KLF8: variants seen among roughly 807,000 people sequenced by gnomAD.
KLF8 encodes KLF transcription factor 8, also known as Krueppel-like factor 8.
KLF8 carries 10 observed loss-of-function variants against 18.2 expected under a neutral mutation model. The ratio of observed to expected loss-of-function variants is 0.55; its 90% CI spans 0.34 to 0.93. The LOEUF (loss-of-function observed/expected upper bound fraction) is 0.93, where lower values mean the gene tolerates loss of function less well. Among genes scored for constraint, KLF8 ranks in the 40% least tolerant of loss-of-function variants. The pLI is 0.02. For synonymous variants in KLF8, 109 were observed against 97.3 expected, an observed-to-expected ratio of 1.12 and a Z score of -0.71; for missense variants, 264 against 277.9, an observed-to-expected ratio of 0.95 and a Z score of 0.36.
chrX:56,221,464 C>T, the KLF8 span, among the ~76,000 whole-genome samples: 1 of 112,240 alleles, frequency 8.9e-6, no homozygotes, highest in Admixed American at 9.4e-5. Context: ...GGTTCTTGGT[C>T]TCACTGACTT....
the KLF8 span, among the ~76,000 whole-genome samples, chrX:56,211,808 G>T: frequency 9.0e-6 from 1 of 110,820 alleles, no homozygotes; most frequent in South Asian, 3.9e-4. Flanking sequence ...CCCACCTGGT[G>T]CTCTGTCTGT....
chrX:55,996,516 A>G, the KLF8 span, among the ~76,000 whole-genome samples: 1 of 111,771 alleles, frequency 8.9e-6, no homozygotes, highest in Non-Finnish European at 1.9e-5. Context: ...TTTGAAGTTT[A>G]TGTCCTTTAG....
chrX:56,082,606 C>G, the KLF8 span, among the ~76,000 whole-genome samples: 1 of 109,658 alleles, frequency 9.1e-6, no homozygotes, highest in Non-Finnish European at 1.9e-5. Flanking sequence ...ATAAATTGCC[C>G]TTTTATCATA....
the KLF8 span, among the ~76,000 whole-genome samples, chrX:56,065,802 G>A: frequency 8.9e-6 from 1 of 111,892 alleles, no homozygotes; most frequent in African/African-American, 3.2e-5. Flanking sequence ...TGAGTTATTT[G>A]ACTGTAAACA....
the KLF8 span, among the ~76,000 whole-genome samples, chrX:56,005,487 G>A: frequency 8.9e-6 from 1 of 111,744 alleles, no homozygotes; most frequent in African/African-American, 3.3e-5. Context: ...TGGGGTTGCT[G>A]GTCTCCATGT....
chrX:55,915,018 G>T, the KLF8 span, among the ~76,000 whole-genome samples: 41 of 110,943 alleles, frequency 3.7e-4, no homozygotes, highest in Admixed American at 6.7e-4. Context: ...AAATTACTGG[G>T]ACCAGAAGGT....
the KLF8 span, among the ~76,000 whole-genome samples, chrX:55,937,189 G>T: frequency 9.0e-6 from 1 of 110,882 alleles, no homozygotes; most frequent in Non-Finnish European, 1.9e-5. Context: ...CCAGAGGAAC[G>T]ATCAGGCAGC....
At chrX:56,002,676 G>A in the KLF8 span, among the ~76,000 whole-genome samples, 88 of 112,074 alleles carry the variant, frequency 7.9e-4, no homozygotes, top group African/African-American at 2.8e-3. Context: ...TGAATATATA[G>A]GTAAATGCTA....
At chrX:56,004,352 C>T in the KLF8 span, among the ~76,000 whole-genome samples, 1 of 111,740 alleles carries the variant, frequency 8.9e-6, no homozygotes, top group Non-Finnish European at 1.9e-5. Flanking sequence ...AAAACAGATG[C>T]CATTGAGTAA....
chrX:56,181,803 G>T, the KLF8 span, among the ~76,000 whole-genome samples: 2 of 104,214 alleles, frequency 1.9e-5, no homozygotes, highest in Non-Finnish European at 3.9e-5. Flanking sequence ...CCCCCTTCTG[G>T]CTTGTAGAGT....
chrX:56,105,796 C>T, the KLF8 span, among the ~76,000 whole-genome samples: 1 of 111,624 alleles, frequency 9.0e-6, no homozygotes, highest in Non-Finnish European at 1.9e-5. Flanking sequence ...TTAATTTATG[C>T]CATTTCTTCA....
the KLF8 span, among the ~76,000 whole-genome samples, chrX:56,103,343 G>T: frequency 9.0e-6 from 1 of 111,658 alleles, no homozygotes; most frequent in Middle Eastern, 4.6e-3. Flanking sequence ...CTATCAATTA[G>T]CATGGAATGT....
chrX:55,998,133 C>T, the KLF8 span, among the ~76,000 whole-genome samples: 1 of 112,615 alleles, frequency 8.9e-6, no homozygotes, highest in Non-Finnish European at 1.9e-5. Context: ...AGTATTGCTG[C>T]CCACATGTCC....
At chrX:55,994,396 G>A in the KLF8 span, among the ~76,000 whole-genome samples, 1 of 108,687 alleles carries the variant, frequency 9.2e-6, no homozygotes, top group East Asian at 2.9e-4. Context: ...TTGATTGTGT[G>A]TATGGCTTTC....
chrX:56,200,677 T>G, the KLF8 span, among the ~76,000 whole-genome samples: 1 of 111,016 alleles, frequency 9.0e-6, no homozygotes, highest in African/African-American at 3.3e-5. Context: ...AAAAGCCATC[T>G]TATGGAATGG....
chrX:55,942,215 T>C, the KLF8 span, among the ~76,000 whole-genome samples: 1 of 110,984 alleles, frequency 9.0e-6, no homozygotes, highest in Admixed American at 9.6e-5. Context: ...ATGTCCTTTG[T>C]AGGGACATGG....
At chrX:56,146,790 G>T in the KLF8 span, among the ~76,000 whole-genome samples, 1 of 111,529 alleles carries the variant, frequency 9.0e-6, no homozygotes, top group Non-Finnish European at 1.9e-5. Context: ...TACCCAGATG[G>T]GAGGAATTTT....
At chrX:56,145,028 A>G in the KLF8 span, among the ~76,000 whole-genome samples, 1 of 110,117 alleles carries the variant, frequency 9.1e-6, no homozygotes, top group Non-Finnish European at 1.9e-5. Context: ...CCTGACCTTA[A>G]GTGATCCACC....
the KLF8 span, among the ~76,000 whole-genome samples, chrX:56,136,722 A>C: frequency 1.8e-5 from 2 of 111,726 alleles, no homozygotes; most frequent in Middle Eastern, 4.6e-3. Context: ...AAACGCCAAA[A>C]GCAATGGCAA....
Sources: gnomAD v4.1 joint callset for allele counts (sites outside exome capture counted in the v4.1 genomes callset) on GRCh38, gnomAD v4.1.1 for gene constraint, MANE v1.5 for transcripts, NCBI Gene and HGNC (gene_info 2026-07-23, HGNC 2026-07-21) for gene names.